The following ATP8A2 variants were observed in gnomAD, a reference collection of about 807,000 sequenced individuals.
ATP8A2 encodes the protein ATPase phospholipid transporting 8A2.
Under a neutral mutation model 165.6 loss-of-function variants are expected in ATP8A2, and 100 were observed. The observed-to-expected ratio is 0.60, with a 90% CI of 0.51 to 0.71. The LOEUF is 0.71. ATP8A2 is among the 30% of genes least tolerant of loss of function. ATP8A2 has a pLI of 0.00. For synonymous variants in ATP8A2, 543 were observed against 548.8 expected (o/e 0.99, Z 0.15); for missense variants, 1,227 against 1,479.5 (o/e 0.83, Z 2.80).
intron 27 of ATP8A2, among the ~76,000 whole-genome samples, chr13:25,816,617 A>G (rs1951026735): frequency 6.6e-6 from 1 of 152,228 alleles, no homozygotes; most frequent in Non-Finnish European, 1.5e-5. Flanking sequence ...GAATTGTTGG[A>G]CAGAGATGGT....
At chr13:25,931,686 G>A (rs537094091) in intron 33 of ATP8A2, among the ~76,000 whole-genome samples, 1 of 152,184 alleles carries the variant, frequency 6.6e-6, no homozygotes, top group Non-Finnish European at 1.5e-5. Context: ...GCTGGGGGAA[G>A]AATCTTGAAG....
intron 30 of ATP8A2, among the ~76,000 whole-genome samples, chr13:25,853,860 A>G (rs1175672378): frequency 6.6e-6 from 1 of 152,362 alleles, no homozygotes; most frequent in East Asian, 1.9e-4. Flanking sequence ...CTAAGAATAC[A>G]GGCCTTAGCC....
intron 25 of ATP8A2, among the ~76,000 whole-genome samples, chr13:25,726,863 C>G (rs2043505534): frequency 1.3e-5 from 2 of 151,994 alleles, no homozygotes; most frequent in South Asian, 4.1e-4. Context: ...TTTTGAGGGT[C>G]TGGAGGTAAA....
intron 24 of ATP8A2, among the ~76,000 whole-genome samples, chr13:25,604,583 C>A (rs1048105714): frequency 6.6e-6 from 1 of 152,112 alleles, no homozygotes; most frequent in African/African-American, 2.4e-5. Flanking sequence ...AATATTCTTT[C>A]TTTTAACATT....
rs1249931670 is a variant in ATP8A2 at position 25,699,342 on chromosome 13, G to T, written c.2381G>T (p.Cys794Phe). The change falls in exon 25 of 37, where the codon TGC becomes TTC. Residue 794 changes from cysteine to phenylalanine, a missense_variant. By Grantham distance (205) the Cys-to-Phe change is radical. This residue lies in a region of ATP8A2 where 592 missense variants were observed against 785.6 expected (regional missense o/e 0.75). Transcript: ENST00000381655. ...CTCTCGTGCAAAGCGGTCATATGCT[G>T]CAGGTAGGAACCTGCAGGCTGTGCA... is the stretch of plus-strand genomic sequence containing the variant. ...LALSCKAVIC[C>F]RVSPLQKSEI... 1 of 1,608,210 alleles carries T rather than the reference G, an allele frequency of 6.2e-7. No individual in the cohort carries two copies. Among genetic ancestry groups the T allele is most frequent in the Non-Finnish European group, 8.5e-7 (1 of 1,177,008 alleles).
At chr13:25,712,384 A>G (rs2043175587) in intron 25 of ATP8A2, among the ~76,000 whole-genome samples, 1 of 152,174 alleles carries the variant, frequency 6.6e-6, no homozygotes, top group Non-Finnish European at 1.5e-5. Context: ...AGCCTGGAAG[A>G]TGAGCCTTGT....
At chr13:25,813,812 G>A (rs980413262) in intron 27 of ATP8A2, among the ~76,000 whole-genome samples, 5 of 152,176 alleles carry the variant, frequency 3.3e-5, no homozygotes, top group African/African-American at 1.2e-4. Context: ...TAGGGAGACT[G>A]AGGACAGCAG....
intron 33 of ATP8A2, among the ~76,000 whole-genome samples, chr13:25,881,408 T>C (rs1305539039): frequency 6.6e-6 from 1 of 152,216 alleles, no homozygotes; most frequent in African/African-American, 2.4e-5. Context: ...TTGCTTTTGC[T>C]TTTTCTGTAA....
At chr13:25,445,447 A>C (rs1429999613) in intron 1 of ATP8A2, among the ~76,000 whole-genome samples, 1 of 152,332 alleles carries the variant, frequency 6.6e-6, no homozygotes, top group East Asian at 1.9e-4. Context: ...AGTGAAGGAC[A>C]GCAGCTGTCT....
chr13:25,917,060 A>G (rs1246394081), intron 33 of ATP8A2, among the ~76,000 whole-genome samples: 1 of 152,124 alleles, frequency 6.6e-6, no homozygotes, highest in African/African-American at 2.4e-5. Flanking sequence ...TTCACTTCTT[A>G]GTGCGTTAAC....
Position 26,025,116 on chromosome 13 carries a change from C to CAAAAAAAAAA in ATP8A2, c.*5143_*5152dup. 128 of 93,626 alleles carry CAAAAAAAAAA rather than the reference C, an allele frequency of 1.4e-3. No homozygotes were observed. The highest frequency in any genetic ancestry group is 6.1e-3 in the Middle Eastern group (1 of 164). 5.8% of individuals were successfully genotyped at this position (93,626 alleles called of 1,614,324 possible). A position where few individuals can be genotyped will look rare whatever the true frequency, so the allele number is the denominator to read the frequency against. On this transcript the variant is annotated 3_prime_UTR_variant, in exon 37 of 37. Transcript: ENST00000381655. ...GTGAATCAATAAACACCAACAACAA[C>CAAAAAAAAAA]AAAAAAAAAAAAAAAAAAAAAGGAA...
At chr13:25,401,835 C>A (rs939725880) in intron 1 of ATP8A2, among the ~76,000 whole-genome samples, 3 of 152,016 alleles carry the variant, frequency 2.0e-5, no homozygotes, top group Middle Eastern at 3.4e-3. Flanking sequence ...AATAATATAC[C>A]AACATCACTA....
chr13:25,651,243 G>C (rs532819729), intron 24 of ATP8A2, among the ~76,000 whole-genome samples: 62 of 152,212 alleles, frequency 4.1e-4, no homozygotes, highest in African/African-American at 1.4e-3. Flanking sequence ...AAGAGATCGA[G>C]ACCATCCTGG....
intron 29 of ATP8A2, among the ~76,000 whole-genome samples, chr13:25,838,872 C>T (rs549686650): frequency 9.7e-4 from 147 of 152,048 alleles, no homozygotes; most frequent in Non-Finnish European, 1.9e-4. Context: ...TCTGTCATCA[C>T]GGTGGTTAAA....
At chr13:25,562,402 T>C (rs2039184425) in intron 15 of ATP8A2, among the ~76,000 whole-genome samples, 1 of 152,186 alleles carries the variant, frequency 6.6e-6, no homozygotes, top group Non-Finnish European at 1.5e-5. Flanking sequence ...TCTGCACGTG[T>C]TTTAAAGCTT....
At position 26,006,802 on chromosome 13, in the gene ATP8A2, A is replaced by T. The variant is rs115777293; in HGVS notation, c.3378-5729A>T. 9.2e-3 allele frequency among the ~76,000 whole-genome samples: 1,399 copies of T among 152,038 alleles called. 24 individuals are homozygous for T. The highest frequency in any genetic ancestry group is 0.033 in the African/African-American group (1,362 of 41,526). On this transcript the variant is annotated intron_variant, in intron 35 of 36. Coordinates refer to ENST00000381655, the MANE Select transcript of ATP8A2 (RefSeq NM_016529.6). The stretch of plus-strand genomic sequence containing the variant: ...TGATATTTTTTCCTACATTCTATTA[A>T]TGCGGTATATTATATTGCTTGATTT...
intron 1 of ATP8A2, among the ~76,000 whole-genome samples, chr13:25,455,175 A>G (rs1165085091): frequency 6.6e-6 from 1 of 152,188 alleles, no homozygotes; most frequent in Non-Finnish European, 1.5e-5. Flanking sequence ...CTCCTGATAC[A>G]GGGGTGTGGC....
chr13:25,539,079 G>A (rs2038382992), intron 7 of ATP8A2, among the ~76,000 whole-genome samples: 1 of 148,462 alleles, frequency 6.7e-6, no homozygotes, highest in African/African-American at 2.5e-5. Context: ...GTGTGTGTGT[G>A]TGTGTGTGTG....
intron 24 of ATP8A2, among the ~76,000 whole-genome samples, chr13:25,668,511 T>C (rs920856675): frequency 6.6e-6 from 1 of 152,170 alleles, no homozygotes; most frequent in Admixed American, 6.5e-5. Flanking sequence ...CATAGATCTC[T>C]TTGAGTTTAT....
Sources: gnomAD v4.1 joint callset for allele counts (sites outside exome capture counted in the v4.1 genomes callset) on GRCh38, gnomAD v4.1.1 for gene constraint, gnomAD v4.1.1 regional missense constraint, MANE v1.5 for transcripts, NCBI Gene and HGNC (gene_info 2026-07-23, HGNC 2026-07-21) for gene names.